ADCY3: variants seen among roughly 807,000 people sequenced by gnomAD.
The protein encoded by ADCY3 is adenylate cyclase type 3.
Under a neutral mutation model 119.4 loss-of-function variants are expected in ADCY3, and 70 were observed. The observed-to-expected ratio is 0.59, with a 90% CI of 0.48 to 0.72. The LOEUF (loss-of-function observed/expected upper bound fraction) is 0.72, where lower values mean the gene tolerates loss of function less well. ADCY3 is among the 30% of genes least tolerant of loss of function. The pLI is 0.00. For missense variants in ADCY3, 1,238 were observed against 1,541.6 expected, an observed-to-expected ratio of 0.80 and a Z score of 3.30; for synonymous variants, 672 against 621.4, an observed-to-expected ratio of 1.08 and a Z score of -1.21.
intron 3 of ADCY3, among the ~76,000 whole-genome samples, chr2:24,864,699 G>A (rs1172794188): frequency 6.6e-6 from 1 of 152,218 alleles, no homozygotes; most frequent in African/African-American, 2.4e-5. Flanking sequence ...GTGGTTACCA[G>A]AGTCTGGGAG....
intron 8 of ADCY3, among the ~76,000 whole-genome samples, chr2:24,837,648 A>G (rs957393723): frequency 3.9e-5 from 6 of 152,168 alleles, no homozygotes; most frequent in Non-Finnish European, 8.8e-5. Context: ...TAACTGGAGG[A>G]AAGGGTTTTG....
Position 24,830,710 on chromosome 2 carries a change from A to G in ADCY3, c.2171T>C (p.Met724Thr). Residue 724 changes from methionine to threonine, a missense_variant and splice_region_variant, in exon 13 of 22, where the codon ATG becomes ACG. Transcript: ENST00000679454. ...FILVMANVVD[M>T]LSCLQYYTGP... Reference sequence around the variant, plus strand: ...TCAACAAGGACAGCAGGAGCTCACCATGTCCACGACATTTGCCATCACCAG... The same window carrying G: ...TCAACAAGGACAGCAGGAGCTCACCGTGTCCACGACATTTGCCATCACCAG... The G allele has an allele frequency of 6.2e-7, 1 of 1,613,292 alleles. No individual in the cohort carries two copies. The highest frequency in any genetic ancestry group is 1.1e-5 in the South Asian group (1 of 91,002).
chr2:24,841,269 C>T lies in ADCY3; in HGVS notation c.1186G>A (p.Glu396Lys). The change falls in exon 6 of 22, where the codon GAG becomes AAG. Residue 396 changes from glutamate (E) to lysine (K), a missense_variant. Coordinates refer to ENST00000679454, the MANE Select transcript of ADCY3 (RefSeq NM_004036.5). This position sits in a 1 kb window ranked among gnomAD's most constrained non-coding sequence, Gnocchi z 5.8. ...CSILMGLAMVEAISYVREKTK... is the reference protein window; with the variant it reads ...CSILMGLAMVKAISYVREKTK... The stretch of plus-strand genomic sequence containing the variant: ...AGGCATCCCACTTACGAGATGGCCT[C>T]CACCATGGCCAGCCCCATGAGGATG... 6.4e-7 allele frequency: 1 copy of T among 1,561,836 alleles called. No individual in the cohort carries two copies. The highest frequency in any genetic ancestry group is 8.7e-7 in the Non-Finnish European group (1 of 1,153,476).
chr2:24,917,202 C>T (rs1664564200), intron 2 of ADCY3, among the ~76,000 whole-genome samples: 1 of 152,238 alleles, frequency 6.6e-6, no homozygotes, highest in South Asian at 2.1e-4. Context: ...CTGCTAGAGG[C>T]TCACGTCAGT....
At chr2:24,859,013 A>AC (rs1473190932) in intron 3 of ADCY3, among the ~76,000 whole-genome samples, 1 of 152,246 alleles carries the variant, frequency 6.6e-6, no homozygotes, top group Non-Finnish European at 1.5e-5. Context: ...GAGAGTTGGA[A>AC]CCAACAGAAG....
chr2:24,851,430 C>T lies in ADCY3; in HGVS notation c.826-9046G>A, dbSNP rs79269691. Among the ~76,000 whole-genome samples the T allele has an allele frequency of 3.7e-4, 56 of 152,244 alleles. No homozygotes were observed. The East Asian group carries it at 0.01, about 28-fold the overall frequency. On this transcript the variant is annotated intron_variant, in intron 3 of 21. Transcript: ENST00000679454. Reference sequence around the variant, plus strand: ...CTTTGCTAAAACTTCTGCATCAACCCGGTATTATTTATGTGCAATATTGTC... The same window carrying T: ...CTTTGCTAAAACTTCTGCATCAACCTGGTATTATTTATGTGCAATATTGTC...
At chr2:24,884,801 C>T (rs935202042) in intron 2 of ADCY3, among the ~76,000 whole-genome samples, 2 of 150,972 alleles carry the variant, frequency 1.3e-5, no homozygotes, top group African/African-American at 4.9e-5. Flanking sequence ...GTCTTCTGAT[C>T]CCTGGTTCAC....
chr2:24,821,511 G>C lies in ADCY3; in HGVS notation c.3127+6C>G, dbSNP rs767690675. The C allele has an allele frequency of 7.4e-6, 12 of 1,613,610 alleles. No individual in the cohort carries two copies. Among genetic ancestry groups the C allele is most frequent in the African/African-American group, 1.3e-5 (1 of 74,916 alleles). On this transcript the variant is annotated splice_donor_region_variant and intron_variant, in intron 20 of 21. Transcript: ENST00000679454. ...GCTGCGGGGCAGGCCAGCTGGGGGT[G>C]CTCACCTATGCGCAGCATGAAGTTA...
At chr2:24,863,981 T>C (rs1017066188) in intron 3 of ADCY3, among the ~76,000 whole-genome samples, 1 of 152,208 alleles carries the variant, frequency 6.6e-6, no homozygotes, top group Non-Finnish European at 1.5e-5. Context: ...TGGTGGAGTA[T>C]AAATTGTTTG....
chr2:24,833,551 C>G (rs1480672418), intron 11 of ADCY3, among the ~76,000 whole-genome samples: 1 of 152,256 alleles, frequency 6.6e-6, no homozygotes, highest in Non-Finnish European at 1.5e-5. Context: ...GTCTGCAGTA[C>G]TTACTCTCGC....
chr2:24,903,104 G>A (rs992706834), intron 2 of ADCY3, among the ~76,000 whole-genome samples: 12 of 147,336 alleles, frequency 8.1e-5, no homozygotes, highest in Non-Finnish European at 1.8e-4. Flanking sequence ...CCAAGATCGC[G>A]CCACTGCACT....
At chr2:24,858,362 G>C (rs112228092) in intron 3 of ADCY3, among the ~76,000 whole-genome samples, 8 of 152,242 alleles carry the variant, frequency 5.3e-5, no homozygotes, top group African/African-American at 1.7e-4. Flanking sequence ...TTAAGTATTA[G>C]AAAATGTTAA....
intron 2 of ADCY3, among the ~76,000 whole-genome samples, chr2:24,896,381 T>C: frequency 6.6e-6 from 1 of 151,758 alleles, no homozygotes; most frequent in East Asian, 1.9e-4. Context: ...TGAGATTCTG[T>C]TACAAAAAAA....
chr2:24,868,206 C>T (rs950990062), intron 3 of ADCY3, among the ~76,000 whole-genome samples: 8 of 152,144 alleles, frequency 5.3e-5, no homozygotes, highest in African/African-American at 1.2e-4. Context: ...TGCACTTCTA[C>T]GTCGCCCATG....
intron 3 of ADCY3, among the ~76,000 whole-genome samples, chr2:24,853,859 T>A (rs565695574): frequency 6.6e-6 from 1 of 152,362 alleles, no homozygotes; most frequent in East Asian, 1.9e-4. Context: ...CTGAACATCA[T>A]TATTCATACA....
Position 24,918,331 on chromosome 2 carries a change from C to T in ADCY3, c.657G>A (p.Gly219=). ...GACTCACCTCCCGCAGCAGCTGCAT[C>T]CCCTTGAGCTCCTCCTGCTGCTGCT... The part of the protein sequence containing the change: ...VAQQQQEELK[G]MQLLREILAN... The change falls in exon 2 of 22, where the codon GGG becomes GGA. Residue 219 remains glycine, a synonymous_variant. Coordinates refer to ENST00000679454, the MANE Select transcript of ADCY3 (RefSeq NM_004036.5). This position sits in a 1 kb window ranked among gnomAD's most constrained non-coding sequence, Gnocchi z 5.4. 6.3e-7 allele frequency: 1 copy of T among 1,575,202 alleles called. No homozygotes were observed. Among genetic ancestry groups the T allele is most frequent in the African/African-American group, 1.4e-5 (1 of 73,792 alleles).
rs553680678 is a variant in ADCY3 at position 24,878,028 on chromosome 2, G to C, written c.676-5309C>G. 84 of 460,102 alleles carry C rather than the reference G, an allele frequency of 1.8e-4. 1 individual carries two copies. The highest frequency in any genetic ancestry group is 7.9e-4 in the South Asian group (50 of 63,296). 28.5% of individuals were successfully genotyped at this position (460,102 alleles called of 1,614,324 possible). ...AGCACGATCAGGCTCTGTGGTGACA[G>C]AGGTCCACAGCCCCTGGGGTCTCTA... On this transcript the variant is annotated intron_variant, in intron 2 of 21. Coordinates refer to ENST00000679454, the MANE Select transcript of ADCY3 (RefSeq NM_004036.5). This position sits in a 1 kb window ranked among gnomAD's most constrained non-coding sequence, Gnocchi z 4.0.
chr2:24,820,419 G>T (rs1667429117), intron 21 of ADCY3: 1 of 1,326,704 alleles, frequency 7.5e-7, no homozygotes, highest in Non-Finnish European at 9.6e-7. Context: ...CTGTCCCTTT[G>T]CCCCTTTCGT....
Position 24,841,585 on chromosome 2 carries a change from G to T in ADCY3, c.1039C>A (p.Leu347Ile). 1 of 1,613,456 alleles carries T rather than the reference G, an allele frequency of 6.2e-7. No homozygotes were observed. The highest frequency in any genetic ancestry group is 8.5e-7 in the Non-Finnish European group (1 of 1,179,972). The change falls in exon 5 of 22, where the codon CTC (leucine) becomes ATC (isoleucine). Residue 347 changes from leucine to isoleucine, a missense_variant. Coordinates refer to ENST00000679454, the MANE Select transcript of ADCY3 (RefSeq NM_004036.5). This position sits in a 1 kb window ranked among gnomAD's most constrained non-coding sequence, Gnocchi z 5.8. ...GCCAGCTTGTCAAAGCGGGCAAAGA[G>T]CTCGTTGAGCAGCTTCACAAGCTCC... ...AQELVKLLNE[L>I]FARFDKLAAK...
Sources: gnomAD v4.1 joint callset for allele counts (sites outside exome capture counted in the v4.1 genomes callset) on GRCh38, gnomAD v4.1.1 for gene constraint, Gnocchi (gnomAD v3.1) non-coding constraint, MANE v1.5 for transcripts, NCBI Gene and HGNC (gene_info 2026-07-23, HGNC 2026-07-21) for gene names.